The following MDGA1 variants were observed in gnomAD, a reference collection of about 807,000 sequenced individuals.
The protein encoded by MDGA1 is MAM domain-containing glycosylphosphatidylinositol anchor protein 1.
A neutral mutation model predicts 101.5 loss-of-function variants in MDGA1; 54 were observed. The observed-to-expected ratio is 0.53, with a 90% CI of 0.43 to 0.67. The LOEUF (loss-of-function observed/expected upper bound fraction) is 0.67, where lower values mean the gene tolerates loss of function less well. MDGA1 is among the 30% of genes least tolerant of loss of function. The probability of loss-of-function intolerance (pLI) is 0.00; values close to 1 mark genes in which losing one functional copy is unlikely to be tolerated. For synonymous variants in MDGA1, 533 were observed against 558.3 expected (o/e 0.95, Z 0.64); for missense variants, 1,083 against 1,323.8 (o/e 0.82, Z 2.82).
Position 37,655,638 on chromosome 6 carries a change from G to T in MDGA1, c.579+62C>A. On this transcript the variant is annotated intron_variant, in intron 4 of 16. Transcript: ENST00000434837. This position sits in a 1 kb window ranked among gnomAD's most constrained non-coding sequence, Gnocchi z 5.1. ...GGCAGTCCCAAAAACTCAGCCCCAT[G>T]CCCCCCTCCCCTGTTGGATGCAGGA... 7.4e-7 allele frequency: 1 copy of T among 1,343,156 alleles called. No individual in the cohort carries two copies. Among genetic ancestry groups the T allele is most frequent in the Admixed American group, 2.5e-5 (1 of 39,698 alleles). The allele number at this position is 1,343,156 out of a possible 1,614,324, so 83.2% of individuals were successfully genotyped here. A position where few individuals can be genotyped will look rare whatever the true frequency, so the allele number is the denominator to read the frequency against.
In MDGA1 at chr6:37,638,164, C is replaced by G. The variant is rs377260821; in HGVS notation, c.2776+41G>C. ...ACAGGAACCCCCGCCACGCACAGCTCCCTCCAGATTCAGCTCCCCCACCTC... is the reference window on the plus strand; with the variant it reads ...ACAGGAACCCCCGCCACGCACAGCTGCCTCCAGATTCAGCTCCCCCACCTC... On this transcript the variant is annotated intron_variant, in intron 16 of 16. Coordinates refer to ENST00000434837, the MANE Select transcript of MDGA1 (RefSeq NM_153487.4). This position sits in a 1 kb window ranked among gnomAD's most constrained non-coding sequence, Gnocchi z 4.8. 42 of 1,549,818 alleles carry G rather than the reference C, an allele frequency of 2.7e-5. No individual in the cohort carries two copies. In the African/African-American group the frequency reaches 5.6e-4, roughly 21 times the overall value.
chr6:37,661,963 T>A (rs569704191), intron 2 of MDGA1, among the ~76,000 whole-genome samples: 1 of 148,738 alleles, frequency 6.7e-6, no homozygotes, highest in African/African-American at 2.5e-5. Context: ...AAGACCAGCA[T>A]AGGCAACATG....
intron 1 of MDGA1, among the ~76,000 whole-genome samples, chr6:37,677,956 C>T (rs959154959): frequency 6.6e-6 from 1 of 152,222 alleles, no homozygotes; most frequent in Admixed American, 6.5e-5. Flanking sequence ...CTTCTAGCAA[C>T]CCCTAAAGCC....
intron 2 of MDGA1, among the ~76,000 whole-genome samples, chr6:37,662,832 A>C (rs942159291): frequency 1.3e-5 from 2 of 152,146 alleles, no homozygotes; most frequent in African/African-American, 4.8e-5. Flanking sequence ...GGGGACACAC[A>C]CAGATGGCCA....
At chr6:37,670,247 A>G (rs1761839449) in intron 1 of MDGA1, among the ~76,000 whole-genome samples, 1 of 152,222 alleles carries the variant, frequency 6.6e-6, no homozygotes, top group South Asian at 2.1e-4. Flanking sequence ...AGCTCCCAAG[A>G]TGATGAAATA....
chr6:37,643,538 T>C (rs1021704385), intron 14 of MDGA1, among the ~76,000 whole-genome samples: 2 of 152,124 alleles, frequency 1.3e-5, no homozygotes, highest in African/African-American at 4.8e-5. Flanking sequence ...TCCCAAAGGG[T>C]TGGGATTACA....
rs1738455 is a variant in MDGA1 at position 37,635,326 on chromosome 6, T to C, written c.*2042A>G. 0.59 allele frequency: 233,329 copies of C among 396,894 alleles called. 70,425 individuals carry two copies. The highest frequency in any genetic ancestry group is 0.85 in the East Asian group (23,720 of 28,048). 24.6% of individuals were successfully genotyped at this position (396,894 alleles called of 1,614,324 possible). On this transcript the variant is annotated 3_prime_UTR_variant, in exon 17 of 17. Transcript: ENST00000434837. ...GGGCACGAGCGGGAGGTGGCGAAGG[T>C]GGAGGGGGGACTTGGAAGGCTCAGA...
intron 8 of MDGA1, chr6:37,649,860 A>T: frequency 1.5e-6 from 1 of 689,222 alleles, no homozygotes; most frequent in South Asian, 1.5e-5. Flanking sequence ...CCACCTGGCA[A>T]AATCAAGTAA....
chr6:37,688,052 A>C (rs1762234626), intron 1 of MDGA1, among the ~76,000 whole-genome samples: 1 of 152,066 alleles, frequency 6.6e-6, no homozygotes, highest in African/African-American at 2.4e-5. Context: ...TAATCAGTGG[A>C]TTTTGTTTTT....
At position 37,638,250 on chromosome 6, in the gene MDGA1, G is replaced by A. The variant is rs773809048; in HGVS notation, c.2731C>T (p.Leu911=). 8.1e-6 allele frequency: 13 copies of A among 1,613,562 alleles called. No individual in the cohort carries two copies. Among genetic ancestry groups the A allele is most frequent in the Non-Finnish European group, 8.5e-6 (10 of 1,179,804 alleles). Residue 911 remains leucine, a synonymous_variant, in exon 16 of 17, where the codon CTG becomes TTG. Coordinates refer to ENST00000434837, the MANE Select transcript of MDGA1 (RefSeq NM_153487.4). This position sits in a 1 kb window ranked among gnomAD's most constrained non-coding sequence, Gnocchi z 4.8. ...TTCCGGGGACACTCCCCCTTCTTCA[G>A]TGTGACGTCATCTATGGCAATATCC... The part of the protein sequence containing the change: ...LGDIAIDDVT[L]KKGECPRKQT...
rs1232765819 is a variant in MDGA1 at position 37,643,818 on chromosome 6, T to C, written c.2527A>G (p.Lys843Glu). The change falls in exon 14 of 17, where the codon AAA becomes GAA. Residue 843 changes from lysine (K) to glutamate (E), a missense_variant. Around this residue, in one of 3 missense-constraint regions of MDGA1, gnomAD observed 657 missense variants for 771.4 expected, o/e 0.85. Transcript: ENST00000434837. ...TGGCCCCCCAACTCACCGATGTGTTTCCCGTACATGTGGTAGAAGAAGGAG... is the reference window on the plus strand; with the variant it reads ...TGGCCCCCCAACTCACCGATGTGTTCCCCGTACATGTGGTAGAAGAAGGAG... ...CVSFFYHMYG[K>E]HIGSLNLLVR... The C allele has an allele frequency of 1.9e-6, 3 of 1,613,928 alleles. No individual in the cohort carries two copies. Among genetic ancestry groups the C allele is most frequent in the Non-Finnish European group, 2.5e-6 (3 of 1,179,840 alleles).
At chr6:37,684,081 G>C (rs551014842) in intron 1 of MDGA1, among the ~76,000 whole-genome samples, 16 of 152,334 alleles carry the variant, frequency 1.1e-4, no homozygotes, top group African/African-American at 3.8e-4. Context: ...TCAAGATCCA[G>C]CTCATCTGAT....
chr6:37,650,146 C>A lies in MDGA1; in HGVS notation c.1572G>T (p.Val524=). The change falls in exon 8 of 17, where the codon GTG becomes GTT. Residue 524 remains valine (V), a synonymous_variant. Coordinates refer to ENST00000434837, the MANE Select transcript of MDGA1 (RefSeq NM_153487.4). ...CQTARYNGFN[V]RPREAQVQLN... Reference sequence around the variant, plus strand: ...GCTGCACCTGGGCCTCACGGGGGCGCACGTTGAAGCCATTATAGCGGGCCG... The same window carrying A: ...GCTGCACCTGGGCCTCACGGGGGCGAACGTTGAAGCCATTATAGCGGGCCG... 1 of 1,606,916 alleles carries A rather than the reference C, an allele frequency of 6.2e-7. No individual in the cohort carries two copies. Among genetic ancestry groups the A allele is most frequent in the Non-Finnish European group, 8.5e-7 (1 of 1,174,348 alleles).
intron 9 of MDGA1, 137 bp from the exon 10 acceptor site, chr6:37,647,461 T>C (rs1471062279): frequency 3.5e-6 from 2 of 564,686 alleles, no homozygotes; most frequent in Admixed American, 6.8e-5. Context: ...AAGGGAATAT[T>C]GTGAGGTGGG....
At chr6:37,654,177 GCAGA>G in intron 6 of MDGA1, 93 bp downstream of exon 6, 1 of 1,369,258 alleles carries the variant, frequency 7.3e-7, no homozygotes, top group Non-Finnish European at 9.7e-7. Context: ...CCAAGGAGAA[GCAGA>G]CAGGCCCCTT....
intron 2 of MDGA1, among the ~76,000 whole-genome samples, chr6:37,663,035 A>G (rs1761663355): frequency 6.6e-6 from 1 of 152,210 alleles, no homozygotes; most frequent in Non-Finnish European, 1.5e-5. Flanking sequence ...GGCCGAACCT[A>G]CTAAAGCCAT....
chr6:37,641,589 C>T (rs531793670), intron 14 of MDGA1: 9 of 152,344 alleles, frequency 5.9e-5, no homozygotes, highest in South Asian at 4.1e-4. Context: ...AACTAACTCA[C>T]TCTTTTTTTC....
At position 37,647,306 on chromosome 6, in the gene MDGA1, T is replaced by G. The variant is rs1451542835; in HGVS notation, c.1913A>C (p.Glu638Ala). 1.3e-6 allele frequency: 2 copies of G among 1,548,836 alleles called. No individual in the cohort carries two copies. The highest frequency in any genetic ancestry group is 2.0e-5 in the Admixed American group (1 of 50,770). ...GGGGTTGGGGGTGTCGAAGTAAAAC[T>G]CCGGGCTGTAGGCTTTGGCTAAGAG... is the stretch of plus-strand genomic sequence containing the variant. ...FQVSAKAYSP[E>A]FYFDTPNPTR... Residue 638 changes from glutamate (E) to alanine (A), a missense_variant, in exon 10 of 17, where the codon GAG becomes GCG. Transcript: ENST00000434837.
In MDGA1 at chr6:37,697,092, C is replaced by G. The variant is rs972926158; in HGVS notation, c.-281G>C. 3.5e-5 allele frequency: 11 copies of G among 317,734 alleles called. No homozygotes were observed. Among genetic ancestry groups the G allele is most frequent in the African/African-American group, 2.2e-4 (10 of 45,988 alleles). The allele number at this position is 317,734 out of a possible 1,614,324, so 19.7% of individuals were successfully genotyped here. Reference sequence around the variant, plus strand: ...GCAGCCAGCGCCCCGACCCGAGGAGCCCGGCCGCCGAGCCGCCCCGGGTAC... The same window carrying G: ...GCAGCCAGCGCCCCGACCCGAGGAGGCCGGCCGCCGAGCCGCCCCGGGTAC... On this transcript the variant is annotated 5_prime_UTR_variant, in exon 1 of 17. Coordinates refer to ENST00000434837, the MANE Select transcript of MDGA1 (RefSeq NM_153487.4).
Sources: gnomAD v4.1 joint callset for allele counts (sites outside exome capture counted in the v4.1 genomes callset) on GRCh38, gnomAD v4.1.1 for gene constraint, gnomAD v4.1.1 regional missense constraint, Gnocchi (gnomAD v3.1) non-coding constraint, MANE v1.5 for transcripts, NCBI Gene and HGNC (gene_info 2026-07-23, HGNC 2026-07-21) for gene names.